Variants in ERAP2 observed in about 807,000 individuals in gnomAD.
ERAP2 encodes the protein endoplasmic reticulum aminopeptidase 2.
A neutral mutation model predicts 111.1 loss-of-function variants in ERAP2; 118 were observed. The ratio of observed to expected loss-of-function variants is 1.06; its 90% confidence interval spans 0.92 to 1.24. The LOEUF (loss-of-function observed/expected upper bound fraction) is 1.24. Ranked by LOEUF, ERAP2 falls within the 50% of genes most tolerant of loss-of-function variation. The pLI, the probability that ERAP2 is intolerant of heterozygous loss-of-function variation, is 0.00. For missense variants in ERAP2, 1,131 were observed against 1,125.8 expected, an observed-to-expected ratio of 1.00 and a Z score of -0.07; for synonymous variants, 410 against 401.2, an observed-to-expected ratio of 1.02 and a Z score of -0.26.
At chr5:96,906,185 CTTTT>C (rs66812109) in intron 13 of ERAP2, among the ~76,000 whole-genome samples, 81,803 of 150,644 alleles carry the variant, frequency 0.54, 22,162 homozygotes, top group Admixed American at 0.59. Flanking sequence ...GACACTGTCT[CTTTT>C]TTTTTTCTTC....
intron 18 of ERAP2, chr5:96,915,971 C>T: frequency 2.6e-6 from 1 of 386,558 alleles, no homozygotes; most frequent in Non-Finnish European, 4.6e-6. Flanking sequence ...ACCTGTAATC[C>T]CACCACTTTG....
intron 15 of ERAP2, 149 bp downstream of exon 15, chr5:96,909,913 T>C (rs2548526): frequency 0.52 from 362,582 of 694,030 alleles, 95,794 homozygotes; most frequent in Middle Eastern, 0.6. Flanking sequence ...GCTCTCACAT[T>C]GTAAGTGCTA....
intron 15 of ERAP2, among the ~76,000 whole-genome samples, chr5:96,910,649 T>A (rs1195096158): frequency 6.6e-6 from 1 of 152,216 alleles, no homozygotes; most frequent in Admixed American, 6.5e-5. Context: ...ACAGTAGATA[T>A]AAGTGTTCAA....
rs199764969 is a variant in ERAP2 at position 96,917,276 on chromosome 5, T to TTTG, written c.2740-171_2740-169dup. 9.9e-5 allele frequency among the ~76,000 whole-genome samples: 15 copies of TTTG among 152,092 alleles called. 1 individual carries two copies. The highest frequency in any genetic ancestry group is 3.9e-4 in the East Asian group (2 of 5,158). ...CATGCACCATCATGTCCGACTAATT[T>TTTG]TTGTTGTTGTTGTTGTTATTTTTTG... On this transcript the variant is annotated intron_variant, in intron 18 of 18. Transcript: ENST00000437043.
chr5:96,912,123 G>A (rs13163165), intron 15 of ERAP2, among the ~76,000 whole-genome samples: 77,521 of 144,746 alleles, frequency 0.54, 20,900 homozygotes, highest in Admixed American at 0.58. Flanking sequence ...CCCGGGGGGC[G>A]GAGCCTGCAG....
At chr5:96,893,420 C>A (rs571133862) in intron 6 of ERAP2, among the ~76,000 whole-genome samples, 19 of 152,266 alleles carry the variant, frequency 1.2e-4, no homozygotes, top group African/African-American at 4.6e-4. Flanking sequence ...ACACAGAGAG[C>A]CATGCTCAAC....
chr5:96,896,303 C>A, intron 7 of ERAP2, 70 bp from the exon 8 acceptor site: 1 of 1,253,644 alleles, frequency 8.0e-7, no homozygotes, highest in Non-Finnish European at 1.1e-6. Context: ...CTTACTAAAC[C>A]TACTATGTTT....
chr5:96,887,100 TAC>T (rs137875303), intron 4 of ERAP2, among the ~76,000 whole-genome samples: 2,596 of 137,118 alleles, frequency 0.019, 54 homozygotes, highest in African/African-American at 0.051. Flanking sequence ...TATATATATA[TAC>T]ACACACACAC....
At chr5:96,899,530 T>C (rs1785229489) in intron 9 of ERAP2, among the ~76,000 whole-genome samples, 1 of 152,244 alleles carries the variant, frequency 6.6e-6, no homozygotes, top group Non-Finnish European at 1.5e-5. Flanking sequence ...TTTTTTCTCA[T>C]TTGCAGTTGC....
At chr5:96,896,225 G>C in intron 7 of ERAP2, 148 bp from the exon 8 acceptor site, 1 of 568,880 alleles carries the variant, frequency 1.8e-6, no homozygotes, top group Non-Finnish European at 3.0e-6. Flanking sequence ...TTTGGCCAAA[G>C]GGGAATACAT....
At chr5:96,892,817 C>G (rs929163006) in intron 6 of ERAP2, among the ~76,000 whole-genome samples, 1 of 152,160 alleles carries the variant, frequency 6.6e-6, no homozygotes, top group African/African-American at 2.4e-5. Context: ...CCCTGGTACT[C>G]TGGCATTCCA....
At chr5:96,897,086 T>G (rs998869905) in intron 9 of ERAP2, among the ~76,000 whole-genome samples, 5 of 152,218 alleles carry the variant, frequency 3.3e-5, no homozygotes, top group Admixed American at 3.3e-4. Flanking sequence ...CCTGACTTTC[T>G]TTGGTTTCTC....
rs1784758368 is a variant in ERAP2, at chr5:96,895,227, T to C, written c.1126-19T>C. 7.2e-7 allele frequency: 1 copy of C among 1,397,220 alleles called. No homozygotes were observed. The allele number at this position is 1,397,220 out of a possible 1,614,324, so 86.6% of individuals were successfully genotyped here. A position where few individuals can be genotyped will look rare whatever the true frequency, so the allele number is the denominator to read the frequency against. On this transcript the variant is annotated intron_variant, in intron 6 of 18. Transcript: ENST00000437043. The stretch of plus-strand genomic sequence containing the variant: ...TTTATTTGTTTAACTTCTAATAATA[T>C]TGAGTTTTTACCTCCTAGTGGTTTG...
intron 16 of ERAP2, among the ~76,000 whole-genome samples, chr5:96,913,028 C>T (rs1786975495): frequency 6.6e-6 from 1 of 152,160 alleles, no homozygotes; most frequent in South Asian, 2.1e-4. Context: ...TATGTTTTAT[C>T]TTCAGAAACT....
In ERAP2 at chr5:96,909,137, A is replaced by T. The variant is rs1561394996; in HGVS notation, c.2169+20A>T. 3.7e-6 allele frequency: 6 copies of T among 1,610,704 alleles called. No individual in the cohort carries two copies. The highest frequency in any genetic ancestry group is 4.2e-6 in the Non-Finnish European group (5 of 1,177,068). On this transcript the variant is annotated intron_variant, in intron 14 of 18. Coordinates refer to ENST00000437043, the MANE Select transcript of ERAP2 (RefSeq NM_022350.5). ...CTCAAGGTTTGTGTTGCTTTTAGAA[A>T]ATGTATTAAGTAAATACACAGTGTC... is the stretch of plus-strand genomic sequence containing the variant.
At chr5:96,880,353 T>C in intron 2 of ERAP2, 93 bp downstream of exon 2, 1 of 1,178,786 alleles carries the variant, frequency 8.5e-7, no homozygotes, top group Non-Finnish European at 1.2e-6. Flanking sequence ...CAGCCATTTA[T>C]GAGAAATCCA....
intron 18 of ERAP2, 189 bp downstream of exon 18, chr5:96,915,958 C>T: frequency 2.2e-6 from 1 of 463,232 alleles, no homozygotes; most frequent in South Asian, 3.0e-5. Context: ...CACAGTGGCT[C>T]ACACCTGTAA....
chr5:96,917,658 G>A lies in ERAP2; in HGVS notation c.*53G>A, dbSNP rs1040187667. On this transcript the variant is annotated 3_prime_UTR_variant, in exon 19 of 19. Transcript: ENST00000437043. ...GCGGTGGCTCACGCCTGTAATCCCA[G>A]CACTTTGGGAGGCTGAGAAGGGCGG... 9 of 1,453,194 alleles carry A rather than the reference G, an allele frequency of 6.2e-6. No individual in the cohort carries two copies. Among genetic ancestry groups the A allele is most frequent in the African/African-American group, 1.4e-5 (1 of 69,528 alleles). The allele number at this position is 1,453,194 out of a possible 1,614,324, so 90.0% of individuals were successfully genotyped here.
At chr5:96,901,355 A>G (rs1402737994) in intron 10 of ERAP2, 151 bp from the exon 11 acceptor site, 25 of 783,834 alleles carry the variant, frequency 3.2e-5, no homozygotes, top group Non-Finnish European at 5.2e-5. Context: ...TCCCTAATCC[A>G]GTTGCCTGGA....
Sources: allele counts gnomAD v4.1 joint callset (sites outside exome capture counted in the v4.1 genomes callset), GRCh38; gene constraint gnomAD v4.1.1; transcripts MANE v1.5; gene names NCBI Gene and HGNC (gene_info 2026-07-23, HGNC 2026-07-21).